CPNE4: variants seen among roughly 807,000 people sequenced by gnomAD.
CPNE4 encodes copine 4.
In CPNE4, 25 loss-of-function variants were observed where a neutral mutation model predicts 67.9. The ratio of observed to expected loss-of-function variants is 0.37; its 90% CI spans 0.27 to 0.51. The LOEUF (loss-of-function observed/expected upper bound fraction) is 0.51, where lower values mean the gene tolerates loss of function less well. CPNE4 is among the 20% of genes least tolerant of loss of function. The pLI is 0.93. For synonymous variants in CPNE4, 242 were observed against 244.9 expected (o/e 0.99, Z 0.11); for missense variants, 464 against 690.8 (o/e 0.67, Z 3.68).
intron 7 of CPNE4, among the ~76,000 whole-genome samples, chr3:131,629,450 T>C (rs1277248246): frequency 1.3e-5 from 2 of 151,894 alleles, no homozygotes; most frequent in African/African-American, 4.8e-5. Flanking sequence ...ACTGTAAACA[T>C]AACTTTTTTT....
chr3:131,903,451 A>G (rs1408767020), intron 2 of CPNE4, among the ~76,000 whole-genome samples: 2 of 152,030 alleles, frequency 1.3e-5, no homozygotes, highest in Non-Finnish European at 2.9e-5. Flanking sequence ...TCCTTATCCA[A>G]TTTGTTTGGA....
At chr3:131,684,720 G>A (rs1387780950) in intron 6 of CPNE4, among the ~76,000 whole-genome samples, 1 of 152,150 alleles carries the variant, frequency 6.6e-6, no homozygotes, top group Non-Finnish European at 1.5e-5. Flanking sequence ...GCATAACTGG[G>A]TCTTCTCTCA....
intron 1 of CPNE4, among the ~76,000 whole-genome samples, chr3:131,927,436 A>AC (rs2070926893): frequency 8.4e-6 from 1 of 119,416 alleles, no homozygotes; most frequent in Non-Finnish European, 1.9e-5. Flanking sequence ...ACCACTACAA[A>AC]TACTTGTCTT....
Position 131,892,715 on chromosome 3 carries a change from A to G in CPNE4, c.180+12549T>C, listed in dbSNP as rs1583413630. On this transcript the variant is annotated intron_variant, in intron 2 of 15. Coordinates refer to ENST00000429747, the MANE Select transcript of CPNE4 (RefSeq NM_130808.3). ...AAATGGAGGGCAGAGAAAAAAGTCT[A>G]GAGTATCTTTAGGCAACCAAACTTA... 2.0e-5 allele frequency among the ~76,000 whole-genome samples: 3 copies of G among 152,156 alleles called. No homozygotes were observed. In the South Asian group the frequency reaches 6.2e-4, roughly 31 times the overall value.
At chr3:131,899,320 C>T (rs928963904) in intron 2 of CPNE4, among the ~76,000 whole-genome samples, 3 of 151,992 alleles carry the variant, frequency 2.0e-5, no homozygotes, top group South Asian at 2.1e-4. Context: ...CTCATTGTTG[C>T]CATAGGATTA....
intron 2 of CPNE4, among the ~76,000 whole-genome samples, chr3:131,801,361 TATATATGTACC>T (rs1361048093): frequency 2.2e-5 from 3 of 136,408 alleles, no homozygotes; most frequent in Admixed American, 1.6e-4. Flanking sequence ...GTACCATATA[TATATATGTACC>T]ATATATATAT....
At chr3:131,671,993 A>G (rs2080430222) in intron 6 of CPNE4, among the ~76,000 whole-genome samples, 3 of 152,014 alleles carry the variant, frequency 2.0e-5, no homozygotes, top group Admixed American at 6.6e-5. Context: ...TCTGCTGTCC[A>G]TCATTGTATT....
At chr3:131,735,195 C>G (rs772631590) in intron 2 of CPNE4, among the ~76,000 whole-genome samples, 1 of 152,116 alleles carries the variant, frequency 6.6e-6, no homozygotes, top group South Asian at 2.1e-4. Context: ...AAAAAGCAAC[C>G]CTATGGAACT....
intron 1 of CPNE4, among the ~76,000 whole-genome samples, chr3:131,922,431 A>T (rs1286308983): frequency 6.6e-6 from 1 of 152,164 alleles, no homozygotes; most frequent in Non-Finnish European, 1.5e-5. Context: ...TCACTACCTC[A>T]TCCATAAACT....
intron 2 of CPNE4, among the ~76,000 whole-genome samples, chr3:131,892,557 T>C (rs182454451): frequency 1.2e-3 from 152 of 129,490 alleles, no homozygotes; most frequent in Non-Finnish European, 1.8e-3. Flanking sequence ...GATATAATGG[T>C]GCTATATAAA....
intron 7 of CPNE4, among the ~76,000 whole-genome samples, chr3:131,615,284 A>G (rs567680512): frequency 6.6e-6 from 1 of 152,328 alleles, no homozygotes; most frequent in South Asian, 2.1e-4. Context: ...TGTTGTAAAT[A>G]CAGTTTAGGT....
At chr3:131,905,225 T>A in intron 2 of CPNE4, 39 bp downstream of exon 2, 1 of 1,524,196 alleles carries the variant, frequency 6.6e-7, no homozygotes, top group South Asian at 1.2e-5. Context: ...GAGCCAATCA[T>A]CCAGCCATGG....
intron 2 of CPNE4, among the ~76,000 whole-genome samples, chr3:131,751,521 T>G (rs1481740351): frequency 7.4e-6 from 1 of 135,842 alleles, no homozygotes; most frequent in Admixed American, 7.7e-5. Context: ...ATTTCTTTGC[T>G]GAGGTTTTCA....
intron 2 of CPNE4, among the ~76,000 whole-genome samples, chr3:131,746,642 T>C (rs1317247773): frequency 6.6e-6 from 1 of 152,196 alleles, no homozygotes; most frequent in Non-Finnish European, 1.5e-5. Flanking sequence ...ATTGTGTATA[T>C]ATAGCATATT....
chr3:131,835,967 G>A (rs1050431912), intron 2 of CPNE4, among the ~76,000 whole-genome samples: 2 of 152,144 alleles, frequency 1.3e-5, no homozygotes, highest in Non-Finnish European at 2.9e-5. Context: ...AGGTAGGAAA[G>A]GAATCTTTTC....
intron 13 of CPNE4, among the ~76,000 whole-genome samples, chr3:131,550,304 A>G (rs1936100770): frequency 6.6e-6 from 1 of 152,146 alleles, no homozygotes; most frequent in Non-Finnish European, 1.5e-5. Context: ...AACGATTTCC[A>G]CAAAATTTTC....
chr3:131,578,698 A>G (rs1937615709), intron 9 of CPNE4, among the ~76,000 whole-genome samples: 1 of 152,194 alleles, frequency 6.6e-6, no homozygotes, highest in Non-Finnish European at 1.5e-5. Context: ...GCTTATGTGA[A>G]GGAAGTTTTA....
At chr3:131,907,329 T>C (rs751731595) in intron 1 of CPNE4, among the ~76,000 whole-genome samples, 3 of 152,148 alleles carry the variant, frequency 2.0e-5, no homozygotes, top group African/African-American at 7.2e-5. Context: ...TGCTCTGCAG[T>C]GGAATTTCTT....
At chr3:131,537,055 A>G (rs1377273687) in intron 15 of CPNE4, among the ~76,000 whole-genome samples, 2 of 152,166 alleles carry the variant, frequency 1.3e-5, no homozygotes, top group Non-Finnish European at 2.9e-5. Context: ...CAACAATACA[A>G]GAGTTTAACA....
Sources: gnomAD v4.1 joint callset for allele counts (sites outside exome capture counted in the v4.1 genomes callset) on GRCh38, gnomAD v4.1.1 for gene constraint, MANE v1.5 for transcripts, NCBI Gene and HGNC (gene_info 2026-07-23, HGNC 2026-07-21) for gene names.